Variants in PATJ observed in about 807,000 individuals in gnomAD.
PATJ encodes the protein inaD-like protein.
A neutral mutation model predicts 224.9 loss-of-function variants in PATJ; 190 were observed. That is an observed-to-expected ratio of 0.84 (90% confidence interval 0.75 to 0.95). The LOEUF (loss-of-function observed/expected upper bound fraction) is 0.95. PATJ is among the 40% of genes least tolerant of loss of function. The probability of loss-of-function intolerance (pLI) is 0.00; values close to 1 mark genes in which losing one functional copy is unlikely to be tolerated. For synonymous variants in PATJ, 769 were observed against 820.3 expected (o/e 0.94, Z 1.07); for missense variants, 2,121 against 2,270.3 (o/e 0.93, Z 1.34).
chr1:61,808,373 TAG>T (rs2148629350), intron 13 of PATJ, 99 bp from the exon 14 acceptor site: 1 of 709,410 alleles, frequency 1.4e-6, no homozygotes, highest in Admixed American at 2.7e-5. Context: ...GTAGGTCAAA[TAG>T]AGTTATCAAT....
At position 62,147,012 on chromosome 1, in the gene PATJ, T is replaced by G. The variant is rs77074483; in HGVS notation, c.5272-1272T>G. On this transcript the variant is annotated intron_variant, in intron 41 of 43. Coordinates refer to ENST00000642238, the MANE Select transcript of PATJ (RefSeq NM_001350145.3). ...GAGATTCCTGGAGACGTCCCATAGA[T>G]GTCTATGGACCCAGTGACAACTGGA... 3.4e-3 allele frequency among the ~76,000 whole-genome samples: 521 copies of G among 152,194 alleles called. 23 individuals carry two copies. In the East Asian group the frequency reaches 0.087, roughly 25 times the overall value.
At chr1:61,879,601 A>G (rs1226962907) in intron 21 of PATJ, among the ~76,000 whole-genome samples, 1 of 71,854 alleles carries the variant, frequency 1.4e-5, no homozygotes, top group African/African-American at 5.3e-5. Flanking sequence ...TTAGGGTTTT[A>G]GAATTTTTCC....
chr1:61,799,829 C>T (rs1346551849), intron 11 of PATJ, among the ~76,000 whole-genome samples: 1 of 152,164 alleles, frequency 6.6e-6, no homozygotes, highest in Non-Finnish European at 1.5e-5. Flanking sequence ...CGAGTCATTT[C>T]ACTTAGAATA....
intron 1 of PATJ, among the ~76,000 whole-genome samples, chr1:61,756,563 CTTTT>C: frequency 1.5e-5 from 1 of 65,622 alleles, no homozygotes; most frequent in Non-Finnish European, 2.7e-5. Context: ...AACCAGGACA[CTTTT>C]TTTTTTTTTT....
intron 27 of PATJ, among the ~76,000 whole-genome samples, chr1:61,979,422 A>G (rs1184996640): frequency 6.6e-6 from 1 of 152,052 alleles, no homozygotes. Context: ...TGGGAGGCCA[A>G]GGTGGGCAGA....
intron 29 of PATJ, among the ~76,000 whole-genome samples, chr1:62,037,644 A>G (rs557149713): frequency 6.6e-6 from 1 of 152,290 alleles, no homozygotes; most frequent in South Asian, 2.1e-4. Context: ...TGAAAAATTT[A>G]TACTCTGCAG....
chr1:62,140,137 C>G (rs542648665), intron 41 of PATJ, among the ~76,000 whole-genome samples: 1 of 152,248 alleles, frequency 6.6e-6, no homozygotes, highest in African/African-American at 2.4e-5. Flanking sequence ...GAAAGTCCAT[C>G]ACGTTTCTCA....
intron 22 of PATJ, among the ~76,000 whole-genome samples, chr1:61,896,319 T>A (rs1670360404): frequency 6.6e-6 from 1 of 151,322 alleles, no homozygotes. Flanking sequence ...ATTTAATGAC[T>A]ACCCCACTAG....
At chr1:61,878,811 T>C (rs1667696579) in intron 21 of PATJ, among the ~76,000 whole-genome samples, 1 of 150,228 alleles carries the variant, frequency 6.7e-6, no homozygotes, top group African/African-American at 2.5e-5. Context: ...TGAGACGGAG[T>C]CTCACTGTGT....
At chr1:61,873,641 A>T (rs375114648) in intron 20 of PATJ, among the ~76,000 whole-genome samples, 4 of 152,364 alleles carry the variant, frequency 2.6e-5, no homozygotes, top group South Asian at 4.1e-4. Context: ...GTGTCCACAC[A>T]TTTGGTGTCT....
intron 9 of PATJ, 90 bp downstream of exon 9, chr1:61,791,537 T>A (rs1375963077): frequency 1.3e-6 from 1 of 796,394 alleles, no homozygotes; most frequent in African/African-American, 1.7e-5. Context: ...AGATTTTAAT[T>A]TAAATCTTGA....
chr1:62,028,719 G>C (rs1253680032), intron 29 of PATJ, among the ~76,000 whole-genome samples: 2 of 152,116 alleles, frequency 1.3e-5, no homozygotes, highest in Admixed American at 1.3e-4. Flanking sequence ...GAAGGTCAAG[G>C]CTGCAGTGAG....
chr1:61,805,211 A>G (rs1414664228), intron 12 of PATJ, among the ~76,000 whole-genome samples: 1 of 152,176 alleles, frequency 6.6e-6, no homozygotes, highest in Non-Finnish European at 1.5e-5. Flanking sequence ...ATATCCCTTA[A>G]CAACAAAAGC....
intron 22 of PATJ, among the ~76,000 whole-genome samples, chr1:61,895,141 T>C (rs560885884): frequency 6.6e-6 from 1 of 152,170 alleles, no homozygotes; most frequent in Admixed American, 6.5e-5. Context: ...CACAAAGAGA[T>C]GGTTTGAAAT....
chr1:62,125,919 G>A (rs997771692), intron 39 of PATJ, among the ~76,000 whole-genome samples: 2 of 152,112 alleles, frequency 1.3e-5, no homozygotes, highest in African/African-American at 4.8e-5. Flanking sequence ...ACAGGTGCGT[G>A]CCACCACATC....
chr1:62,150,901 G>C (rs879617172), intron 42 of PATJ, among the ~76,000 whole-genome samples: 3 of 152,142 alleles, frequency 2.0e-5, no homozygotes, highest in Admixed American at 2.0e-4. Flanking sequence ...CCAGCACTTC[G>C]GGAGGCCGAG....
At chr1:61,984,232 C>T (rs1239646484) in intron 27 of PATJ, among the ~76,000 whole-genome samples, 1 of 150,784 alleles carries the variant, frequency 6.6e-6, no homozygotes, top group Non-Finnish European at 1.5e-5. Context: ...GCCATCTCTG[C>T]TCACTGCAAC....
At chr1:61,794,048 GCC>G (rs71050160) in intron 9 of PATJ, among the ~76,000 whole-genome samples, 151,521 of 151,524 alleles carry the variant, frequency 1, 75,759 homozygotes, top group Middle Eastern at 1. Flanking sequence ...GATTAGATGT[GCC>G]CACCATCATG....
At chr1:62,052,667 A>G (rs534464070) in intron 31 of PATJ, among the ~76,000 whole-genome samples, 10 of 151,760 alleles carry the variant, frequency 6.6e-5, no homozygotes, top group Admixed American at 5.3e-4. Flanking sequence ...GCTTGAACCC[A>G]GGGGGAGGCA....
Sources: gnomAD v4.1 joint callset for allele counts (sites outside exome capture counted in the v4.1 genomes callset) on GRCh38, gnomAD v4.1.1 for gene constraint, MANE v1.5 for transcripts, NCBI Gene and HGNC (gene_info 2026-07-23, HGNC 2026-07-21) for gene names.